The following KIF15 variants were observed in gnomAD, a reference collection of about 807,000 sequenced individuals.
The protein encoded by KIF15 is kinesin family member 15, also known as kinesin-like protein KIF15.
Under a neutral mutation model 190.6 loss-of-function variants are expected in KIF15, and 140 were observed. The observed-to-expected ratio is 0.73, with a 90% CI of 0.64 to 0.84. The LOEUF is 0.84. KIF15 is among the 40% of genes least tolerant of loss of function. The pLI, the probability that KIF15 is intolerant of heterozygous loss-of-function variation, is 0.00. For synonymous variants in KIF15, 528 were observed against 551.3 expected, an observed-to-expected ratio of 0.96 and a Z score of 0.59; for missense variants, 1,372 against 1,584.4, an observed-to-expected ratio of 0.87 and a Z score of 2.28.
chr3:44,830,201 A>G (rs1697998039), intron 25 of KIF15, 126 bp downstream of exon 25: 1 of 461,196 alleles, frequency 2.2e-6, no homozygotes, highest in Admixed American at 4.3e-5. Flanking sequence ...AATTCTAGTT[A>G]AATAAAGCTC....
chr3:44,814,023 G>A (rs1199156438), intron 19 of KIF15, among the ~76,000 whole-genome samples: 5 of 152,210 alleles, frequency 3.3e-5, no homozygotes, highest in Non-Finnish European at 5.9e-5. Context: ...GTTTGTAGAT[G>A]TGGGAATATC....
intron 5 of KIF15, among the ~76,000 whole-genome samples, chr3:44,783,590 A>G (rs1287421830): frequency 2.3e-5 from 2 of 85,384 alleles, no homozygotes; most frequent in Non-Finnish European, 4.7e-5. Context: ...CTATATCTTT[A>G]TATAATATAT....
At chr3:44,861,798 C>T in intron 6 of KIF15, 1 of 1,117,422 alleles carries the variant, frequency 8.9e-7, no homozygotes, top group Non-Finnish European at 1.3e-6. Flanking sequence ...CGCCGGAGAG[C>T]GATTCCCAAG....
At chr3:44,804,172 A>T (rs553890857) in intron 14 of KIF15, among the ~76,000 whole-genome samples, 2 of 152,102 alleles carry the variant, frequency 1.3e-5, no homozygotes, top group African/African-American at 4.8e-5. Flanking sequence ...TATTTAAACT[A>T]CTTTTCCCTA....
intron 11 of KIF15, among the ~76,000 whole-genome samples, chr3:44,800,867 T>TA (rs1422420394): frequency 6.6e-6 from 1 of 152,126 alleles, no homozygotes; most frequent in Non-Finnish European, 1.5e-5. Flanking sequence ...TCTAATTTTT[T>TA]AAAAAATCTA....
At chr3:44,769,524 GT>G (rs1281132405) in intron 1 of KIF15, among the ~76,000 whole-genome samples, 2 of 152,218 alleles carry the variant, frequency 1.3e-5, no homozygotes, top group African/African-American at 4.8e-5. Flanking sequence ...TAGCCTTCAA[GT>G]TCTCTAGACC....
intron 33 of KIF15, 76 bp downstream of exon 33, chr3:44,852,028 T>TC (rs56996241): frequency 0.014 from 21,896 of 1,511,886 alleles, 726 homozygotes; most frequent in African/African-American, 0.13. Flanking sequence ...AAAACTCACT[T>TC]TGTGATTGGG....
intron 9 of KIF15, 29 bp downstream of exon 9, chr3:44,797,705 C>T (rs1046989793): frequency 4.3e-6 from 7 of 1,610,790 alleles, no homozygotes; most frequent in Non-Finnish European, 5.9e-6. Flanking sequence ...TTCCTGGGCT[C>T]CTTTTGGTTA....
chr3:44,831,576 G>A (rs1411525564), intron 26 of KIF15, among the ~76,000 whole-genome samples: 2 of 152,142 alleles, frequency 1.3e-5, no homozygotes, highest in African/African-American at 2.4e-5. Context: ...GCATTTTAGC[G>A]AAGATAAGTT....
chr3:44,868,598 C>T (rs1699344865), intron 6 of KIF15, among the ~76,000 whole-genome samples: 1 of 152,074 alleles, frequency 6.6e-6, no homozygotes. Context: ...GGAAAAGGGC[C>T]CTCATCAGAA....
In KIF15 at chr3:44,826,100, C is replaced by G. The variant is rs114793043; in HGVS notation, c.2611C>G (p.Gln871Glu). The G allele has an allele frequency of 3.9e-3, 6,204 of 1,589,216 alleles. 160 individuals carry two copies. In the African/African-American group the frequency reaches 0.066, roughly 17 times the overall value. Residue 871 changes from glutamine (Q) to glutamate (E), a missense_variant, in exon 21 of 35, where the codon CAA (glutamine) becomes GAA (glutamate). Transcript: ENST00000326047. Reference protein sequence around the residue: ...ACLQDSYDNLQEIMKFEIDQL... With the variant: ...ACLQDSYDNLEEIMKFEIDQL... ...CCTACAGGATTCCTATGACAACTTA[C>G]AAGAAATAATGAAATTTGAGATTGA... is the stretch of plus-strand genomic sequence containing the variant.
At chr3:44,810,457 C>A (rs1707735405) in intron 16 of KIF15, among the ~76,000 whole-genome samples, 1 of 151,872 alleles carries the variant, frequency 6.6e-6, no homozygotes, top group African/African-American at 2.4e-5. Context: ...CAGGATCTCA[C>A]TATGTTGCCC....
intron 30 of KIF15, among the ~76,000 whole-genome samples, chr3:44,843,669 C>T (rs188595491): frequency 6.6e-6 from 1 of 152,308 alleles, no homozygotes; most frequent in Non-Finnish European, 1.5e-5. Flanking sequence ...GGAGCATTCA[C>T]TTGGATTTAG....
chr3:44,773,230 G>T (rs1355646036), intron 1 of KIF15, among the ~76,000 whole-genome samples: 1 of 152,236 alleles, frequency 6.6e-6, no homozygotes, highest in Middle Eastern at 3.4e-3. Flanking sequence ...CTTGAAAGAT[G>T]CCTGAAAGGA....
intron 7 of KIF15, among the ~76,000 whole-genome samples, chr3:44,788,266 G>A (rs919366853): frequency 1.3e-5 from 2 of 152,176 alleles, no homozygotes; most frequent in African/African-American, 4.8e-5. Context: ...TCAAGAATGT[G>A]TGTTAAAGTT....
intron 1 of KIF15, among the ~76,000 whole-genome samples, chr3:44,767,162 T>C (rs1318500523): frequency 6.6e-6 from 1 of 152,168 alleles, no homozygotes; most frequent in African/African-American, 2.4e-5. Context: ...GTCAGTGGAA[T>C]TCCTCATAAT....
At chr3:44,795,003 A>C (rs1340219157) in intron 8 of KIF15, among the ~76,000 whole-genome samples, 1 of 152,128 alleles carries the variant, frequency 6.6e-6, no homozygotes, top group Admixed American at 6.6e-5. Flanking sequence ...ATATATGACC[A>C]TACCAAGCTA....
intron 27 of KIF15, among the ~76,000 whole-genome samples, chr3:44,838,747 CAAAAA>C (rs779928383): frequency 2.7e-5 from 2 of 74,390 alleles, no homozygotes. Flanking sequence ...GACCCTGTCT[CAAAAA>C]AAAAAAAAAA....
chr3:44,805,979 C>T lies in KIF15; in HGVS notation c.1964C>T (p.Thr655Ile), dbSNP rs1425464180. 1 of 1,613,400 alleles carries T rather than the reference C, an allele frequency of 6.2e-7. No individual in the cohort carries two copies. The change falls in exon 16 of 35, where the codon ACA becomes ATA. Residue 655 changes from threonine (T) to isoleucine (I), a missense_variant. Thr to Ile is a moderately conservative substitution (Grantham distance 89, BLOSUM62 -1). Transcript: ENST00000326047. ...VSQLNKIHAE[T>I]LKIITTPTKA... ...CAGCTGAATAAAATTCATGCTGAAA[C>T]ACTTAAGGTAGGTCATCTGAACAAT... is the stretch of plus-strand genomic sequence containing the variant.
Sources: gnomAD v4.1 joint callset for allele counts (sites outside exome capture counted in the v4.1 genomes callset) on GRCh38, gnomAD v4.1.1 for gene constraint, MANE v1.5 for transcripts, NCBI Gene and HGNC (gene_info 2026-07-23, HGNC 2026-07-21) for gene names.